Variants in VXN observed in about 807,000 individuals in gnomAD.
The protein encoded by VXN is vexin, also known as uncharacterized protein C8orf46.
A neutral mutation model predicts 23.1 loss-of-function variants in VXN; 7 were observed. That is an observed-to-expected ratio of 0.30 (90% CI 0.17 to 0.57). VXN has a LOEUF of 0.57. VXN is among the 20% of genes least tolerant of loss of function. The probability of loss-of-function intolerance (pLI) is 0.91; values close to 1 mark genes in which losing one functional copy is unlikely to be tolerated. For synonymous variants in VXN, 120 were observed against 105.8 expected (o/e 1.13, Z -0.83); for missense variants, 238 against 272.6 (o/e 0.87, Z 0.89).
At chr8:66,513,432 C>T (rs1308239318) in intron 4 of VXN, 108 bp from the exon 5 acceptor site, 1 of 905,382 alleles carries the variant, frequency 1.1e-6, no homozygotes, top group Non-Finnish European at 1.8e-6. Flanking sequence ...GGACTATGCC[C>T]AGGCGGTGGT....
chr8:66,509,376 A>G (rs78802715), intron 3 of VXN, among the ~76,000 whole-genome samples: 1,622 of 152,320 alleles, frequency 0.011, 31 homozygotes, highest in African/African-American at 0.037. Flanking sequence ...TTGGGGCATC[A>G]GGAATAAAGG....
intron 5 of VXN, among the ~76,000 whole-genome samples, chr8:66,514,845 C>G (rs528492312): frequency 3.9e-5 from 6 of 152,298 alleles, no homozygotes; most frequent in African/African-American, 1.4e-4. Context: ...TGGATGCAAG[C>G]AGGCGGGGCT....
chr8:66,500,438 TC>T (rs1252001037), intron 2 of VXN, among the ~76,000 whole-genome samples: 1 of 152,262 alleles, frequency 6.6e-6, no homozygotes, highest in Non-Finnish European at 1.5e-5. Context: ...ATGTGATTCT[TC>T]ATCTTTTCAT....
intron 3 of VXN, among the ~76,000 whole-genome samples, chr8:66,506,231 C>CTGTGTGTG (rs1807756632): frequency 1.2e-5 from 1 of 84,788 alleles, no homozygotes; most frequent in African/African-American, 5.8e-5. Context: ...GAGAGAGAGA[C>CTGTGTGTG]AGTGTGTGTG....
chr8:66,505,447 C>G lies in VXN; in HGVS notation c.199C>G (p.Pro67Ala). The change falls in exon 3 of 6, where the codon CCT becomes GCT. Residue 67 changes from proline (P) to alanine (A), a missense_variant. Physicochemically the swap from Pro to Ala is conservative, Grantham distance 27. Transcript: ENST00000305454. ...GCCCCACCGCGGAGACCGCAGGGAC[C>G]CTGGCGACCGCCGCAGGTTTGGGCG... ...LLPHRGDRRD[P>A]GDRRRFGRLQ... 6.3e-7 allele frequency: 1 copy of G among 1,575,040 alleles called. No homozygotes were observed. Among genetic ancestry groups the G allele is most frequent in the Non-Finnish European group, 8.6e-7 (1 of 1,160,970 alleles).
In VXN at chr8:66,516,909, G is replaced by A. The variant is rs994126094; in HGVS notation, c.*833G>A. ...TACCAGGTAGTGGAACCAGACAGCAGGTCCTTAACTTCTCTCCAGTGGACT... is the reference window on the plus strand; with the variant it reads ...TACCAGGTAGTGGAACCAGACAGCAAGTCCTTAACTTCTCTCCAGTGGACT... On this transcript the variant is annotated 3_prime_UTR_variant, in exon 6 of 6. Coordinates refer to ENST00000305454, the MANE Select transcript of VXN (RefSeq NM_152765.4). 2.6e-5 allele frequency: 4 copies of A among 152,206 alleles called. No individual in the cohort carries two copies. The highest frequency in any genetic ancestry group is 7.2e-5 in the African/African-American group (3 of 41,440). 9.4% of individuals were successfully genotyped at this position (152,206 alleles called of 1,614,324 possible). A position where few individuals can be genotyped will look rare whatever the true frequency, so the allele number is the denominator to read the frequency against.
rs537789494 is a variant in VXN at position 66,517,472 on chromosome 8, C to T, written c.*1396C>T. 1 of 152,266 alleles carries T rather than the reference C, an allele frequency of 6.6e-6. No homozygotes were observed. Among genetic ancestry groups the T allele is most frequent in the South Asian group, 2.1e-4 (1 of 4,826 alleles). The allele number at this position is 152,266 out of a possible 1,614,324, so 9.4% of individuals were successfully genotyped here. On this transcript the variant is annotated 3_prime_UTR_variant, in exon 6 of 6. Transcript: ENST00000305454. ...CCTGTGTTAGAGCTACTCCTTCACA[C>T]AAAATAGTTCAGAACATAGAGAAGG... is the stretch of plus-strand genomic sequence containing the variant.
chr8:66,497,097 ATGGTCTCGATC>A (rs1330757471), intron 2 of VXN, among the ~76,000 whole-genome samples: 2 of 152,072 alleles, frequency 1.3e-5, no homozygotes. Flanking sequence ...GTTGGCCAGG[ATGGTCTCGATC>A]TCCTGACCTC....
intron 4 of VXN, among the ~76,000 whole-genome samples, chr8:66,511,579 C>A (rs1458810724): frequency 6.6e-6 from 1 of 152,158 alleles, no homozygotes; most frequent in Non-Finnish European, 1.5e-5. Context: ...CAACAGCTGC[C>A]CTCACCTGAG....
intron 3 of VXN, among the ~76,000 whole-genome samples, chr8:66,506,479 T>G (rs1807761207): frequency 6.6e-6 from 1 of 151,874 alleles, no homozygotes; most frequent in Non-Finnish European, 1.5e-5. Context: ...CCCACCCAAG[T>G]CTATGGTGGT....
intron 3 of VXN, among the ~76,000 whole-genome samples, chr8:66,508,181 T>A (rs117710842): frequency 1.4e-3 from 212 of 152,208 alleles, no homozygotes; most frequent in Middle Eastern, 3.4e-3. Flanking sequence ...TTTCCCCTAA[T>A]GCCTCCTTGT....
rs1485568468 is a variant in VXN, at chr8:66,515,990, C to T, written c.538C>T (p.Pro180Ser). 5.0e-6 allele frequency: 8 copies of T among 1,613,898 alleles called. No individual in the cohort carries two copies. The highest frequency in any genetic ancestry group is 1.1e-5 in the South Asian group (1 of 91,058). ...GACAGGCAGTGCTTCCTGCGGCGTCCCCGGCATCCTCCGGAAAATGTGGAC... is the reference window on the plus strand; with the variant it reads ...GACAGGCAGTGCTTCCTGCGGCGTCTCCGGCATCCTCCGGAAAATGTGGAC... ...PLTGSASCGV[P>S]GILRKMWTRH... The change falls in exon 6 of 6, where the codon CCC becomes TCC. Residue 180 changes from proline (P) to serine (S), a missense_variant. This residue lies in a region of VXN where 223 missense variants were observed against 236.9 expected (regional missense o/e 0.94). Coordinates refer to ENST00000305454, the MANE Select transcript of VXN (RefSeq NM_152765.4).
rs145727924 is a variant in VXN, at chr8:66,504,252, G to A, written c.127-1123G>A. ...TGGAAGGCAGCGGCAGTCTTCCTGTGGACTCCAGGCTTCACATCCTGCCTT... is the reference window on the plus strand; with the variant it reads ...TGGAAGGCAGCGGCAGTCTTCCTGTAGACTCCAGGCTTCACATCCTGCCTT... On this transcript the variant is annotated intron_variant, in intron 2 of 5. Transcript: ENST00000305454. Among the ~76,000 whole-genome samples the A allele has an allele frequency of 7.8e-3, 1,185 of 152,212 alleles. 10 individuals are homozygous for A. Among genetic ancestry groups the A allele is most frequent in the Non-Finnish European group, 0.011 (716 of 68,008 alleles).
At chr8:66,515,818 C>T (rs1448615374) in intron 5 of VXN, 75 bp from the exon 6 acceptor site, 2 of 1,350,566 alleles carry the variant, frequency 1.5e-6, no homozygotes, top group East Asian at 2.5e-5. Flanking sequence ...GCTCTGGCCA[C>T]TCTTCTTAAG....
chr8:66,515,893 A>G lies in VXN; in HGVS notation c.441A>G (p.Gly147=). The change falls in exon 6 of 6, where the codon GGA becomes GGG. Residue 147 remains glycine (G), a splice_region_variant and synonymous_variant. Coordinates refer to ENST00000305454, the MANE Select transcript of VXN (RefSeq NM_152765.4). ...CCACCCACTCCTGGCTTTTCTTTAG[A>G]TCCAGACATCTCAAGAAGATGACTG... ...GTEKGAVLMR[G]SRHLKKMTEE... is the part of the protein sequence containing the mutation. The G allele has an allele frequency of 1.9e-6, 3 of 1,591,198 alleles. No homozygotes were observed. Among genetic ancestry groups the G allele is most frequent in the Non-Finnish European group, 2.6e-6 (3 of 1,169,516 alleles).
intron 1 of VXN, among the ~76,000 whole-genome samples, chr8:66,495,451 A>T (rs1200483577): frequency 1.3e-5 from 2 of 152,232 alleles, no homozygotes; most frequent in African/African-American, 2.4e-5. Context: ...ATCTTCCAGG[A>T]TCATATGGGG....
intron 1 of VXN, among the ~76,000 whole-genome samples, chr8:66,495,944 C>T (rs1299865215): frequency 1.3e-5 from 2 of 152,178 alleles, no homozygotes; most frequent in African/African-American, 4.8e-5. Context: ...CAGTAACCAC[C>T]ATTCTACTTT....
At chr8:66,513,471 C>A in intron 4 of VXN, 69 bp from the exon 5 acceptor site, 1 of 1,291,970 alleles carries the variant, frequency 7.7e-7, no homozygotes, top group South Asian at 1.2e-5. Flanking sequence ...CACTTGCAGA[C>A]AGCCTCAGTC....
rs149376080 is a variant in VXN at position 66,510,098 on chromosome 8, G to A, written c.283G>A (p.Gly95Arg). The A allele has an allele frequency of 1.7e-5, 27 of 1,613,896 alleles. No homozygotes were observed. In the African/African-American group the frequency reaches 3.5e-4, roughly 21 times the overall value. ...ATCTCCTCTGTTCAACATTGCAGTGGGGATTTCTGAACCCAAAACATCAAA... is the reference window on the plus strand; with the variant it reads ...ATCTCCTCTGTTCAACATTGCAGTGAGGATTTCTGAACCCAAAACATCAAA... The part of the protein sequence containing the change: ...HPAKASARPV[G>R]ISEPKTSNLC... The change falls in exon 4 of 6, where the codon GGG becomes AGG. Residue 95 changes from glycine to arginine, a missense_variant and splice_region_variant. Coordinates refer to ENST00000305454, the MANE Select transcript of VXN (RefSeq NM_152765.4).
Sources: allele counts gnomAD v4.1 joint callset (sites outside exome capture counted in the v4.1 genomes callset), GRCh38; gene constraint gnomAD v4.1.1; regional missense constraint gnomAD v4.1.1; transcripts MANE v1.5; gene names NCBI Gene and HGNC (gene_info 2026-07-23, HGNC 2026-07-21).